The following EPHB1 variants were observed in gnomAD, a reference collection of about 807,000 sequenced individuals.
EPHB1 encodes the protein EPH receptor B1.
A neutral mutation model predicts 94.4 loss-of-function variants in EPHB1; 30 were observed. The ratio of observed to expected loss-of-function variants is 0.32; its 90% confidence interval spans 0.24 to 0.43. The LOEUF is 0.43. EPHB1 is among the 20% of genes least tolerant of loss of function. EPHB1 has a pLI of 1.00. For missense variants in EPHB1, 1,055 were observed against 1,308.3 expected (o/e 0.81, Z 2.99); for synonymous variants, 522 against 489.1 (o/e 1.07, Z -0.89).
In EPHB1 at chr3:134,924,676, A is replaced by G. The variant is rs115682806; in HGVS notation, c.59-1140A>G. Among the ~76,000 whole-genome samples, 96 of 152,364 alleles carry G rather than the reference A, an allele frequency of 6.3e-4. 1 individual carries two copies. Among genetic ancestry groups the G allele is most frequent in the African/African-American group, 2.2e-3 (93 of 41,586 alleles). ...ACTGGAAACAACAGGTGAATGAATA[A>G]ACAAATGGTGGCACATCACACAAAA... On this transcript the variant is annotated intron_variant, in intron 1 of 15. Coordinates refer to ENST00000398015, the MANE Select transcript of EPHB1 (RefSeq NM_004441.5).
intron 3 of EPHB1, among the ~76,000 whole-genome samples, chr3:135,069,776 C>A (rs2107781200): frequency 6.6e-6 from 1 of 152,128 alleles, no homozygotes; most frequent in East Asian, 1.9e-4. Flanking sequence ...ACATCAATAA[C>A]CTTGTGTTCA....
chr3:134,880,474 C>G (rs746173770), intron 1 of EPHB1, among the ~76,000 whole-genome samples: 3 of 152,208 alleles, frequency 2.0e-5, no homozygotes, highest in Non-Finnish European at 4.4e-5. Context: ...CCTCTTGTCA[C>G]TGGCCTGAAA....
At chr3:134,950,574 G>T (rs1932986855) in intron 2 of EPHB1, among the ~76,000 whole-genome samples, 1 of 152,178 alleles carries the variant, frequency 6.6e-6, no homozygotes, top group South Asian at 2.1e-4. Context: ...CTCATGGCAG[G>T]CCAGGGGAGC....
intron 3 of EPHB1, among the ~76,000 whole-genome samples, chr3:134,988,646 A>G (rs745501982): frequency 4.1e-4 from 63 of 152,214 alleles, no homozygotes; most frequent in Non-Finnish European, 7.6e-4. Context: ...GATACATGGT[A>G]CAAGTATTCA....
At chr3:135,024,951 T>C (rs975028617) in intron 3 of EPHB1, among the ~76,000 whole-genome samples, 6 of 152,002 alleles carry the variant, frequency 3.9e-5, no homozygotes, top group Non-Finnish European at 8.8e-5. Flanking sequence ...ATATGTATTA[T>C]ATATCCATGT....
intron 12 of EPHB1, among the ~76,000 whole-genome samples, chr3:135,227,919 G>A (rs971251880): frequency 6.6e-6 from 1 of 151,662 alleles, no homozygotes; most frequent in Admixed American, 6.6e-5. Context: ...CTGAACTCTT[G>A]GAAGATACGT....
intron 3 of EPHB1, among the ~76,000 whole-genome samples, chr3:135,021,998 TAGAC>T (rs1430015099): frequency 7.0e-6 from 1 of 142,760 alleles, no homozygotes; most frequent in African/African-American, 2.6e-5. Flanking sequence ...TTGTTTGTTT[TAGAC>T]AGAGTCTCGC....
intron 7 of EPHB1, among the ~76,000 whole-genome samples, chr3:135,165,751 C>T (rs191146457): frequency 1.3e-5 from 2 of 152,288 alleles, no homozygotes; most frequent in East Asian, 3.9e-4. Flanking sequence ...GATTCTGTCA[C>T]GGCTGTTTTG....
chr3:134,826,022 A>G (rs1234342091), intron 1 of EPHB1, among the ~76,000 whole-genome samples: 1 of 151,462 alleles, frequency 6.6e-6, no homozygotes, highest in Non-Finnish European at 1.5e-5. Context: ...CAGGTGGATC[A>G]CGAGGTCAGG....
At chr3:134,872,404 A>C (rs2037519285) in intron 1 of EPHB1, among the ~76,000 whole-genome samples, 1 of 152,134 alleles carries the variant, frequency 6.6e-6, no homozygotes, top group African/African-American at 2.4e-5. Flanking sequence ...TATAATTTGG[A>C]TCTAGTACAA....
intron 1 of EPHB1, among the ~76,000 whole-genome samples, chr3:134,860,176 C>G (rs547799687): frequency 6.9e-6 from 1 of 145,128 alleles, no homozygotes; most frequent in African/African-American, 2.5e-5. Flanking sequence ...CACACAGACA[C>G]ACACACACAC....
At chr3:134,853,149 G>A (rs1273336130) in intron 1 of EPHB1, among the ~76,000 whole-genome samples, 3 of 152,154 alleles carry the variant, frequency 2.0e-5, no homozygotes, top group African/African-American at 7.2e-5. Flanking sequence ...AGTGAGAGAA[G>A]TGGAAAGAAA....
At chr3:134,873,326 C>T (rs1044295598) in intron 1 of EPHB1, among the ~76,000 whole-genome samples, 1 of 152,176 alleles carries the variant, frequency 6.6e-6, no homozygotes, top group Non-Finnish European at 1.5e-5. Context: ...GTAATTTAGA[C>T]TGGGCTTAGA....
intron 4 of EPHB1, among the ~76,000 whole-genome samples, chr3:135,125,721 A>G (rs1940169206): frequency 6.6e-6 from 1 of 152,078 alleles, no homozygotes; most frequent in Non-Finnish European, 1.5e-5. Flanking sequence ...GACAGTTGAA[A>G]CTTTCCCTCT....
At chr3:135,248,622 A>T in intron 14 of EPHB1, 113 bp downstream of exon 14, 1 of 1,065,370 alleles carries the variant, frequency 9.4e-7, no homozygotes, top group Non-Finnish European at 1.3e-6. Flanking sequence ...ATCTAGTTGC[A>T]GTGTGGGCCT....
chr3:135,072,542 G>C (rs1937760204), intron 3 of EPHB1, among the ~76,000 whole-genome samples: 1 of 152,114 alleles, frequency 6.6e-6, no homozygotes, highest in Admixed American at 6.5e-5. Flanking sequence ...CCCAGTCTCT[G>C]AGCTGCAGCC....
chr3:135,184,036 A>G (rs1942263955), intron 10 of EPHB1, among the ~76,000 whole-genome samples: 1 of 152,180 alleles, frequency 6.6e-6, no homozygotes, highest in Non-Finnish European at 1.5e-5. Flanking sequence ...TAGATGTTAC[A>G]GAGAGGCTTT....
At chr3:135,115,293 T>C (rs1939644935) in intron 4 of EPHB1, among the ~76,000 whole-genome samples, 1 of 152,180 alleles carries the variant, frequency 6.6e-6, no homozygotes, top group African/African-American at 2.4e-5. Flanking sequence ...TAGGTTCTGG[T>C]CCAAGGCAGA....
intron 2 of EPHB1, among the ~76,000 whole-genome samples, chr3:134,942,524 G>A (rs1323622728): frequency 2.0e-5 from 3 of 152,216 alleles, no homozygotes; most frequent in Non-Finnish European, 2.9e-5. Context: ...GGTGGTTGAG[G>A]TGTCATTCTC....
Sources: gnomAD v4.1 joint callset for allele counts (sites outside exome capture counted in the v4.1 genomes callset) on GRCh38, gnomAD v4.1.1 for gene constraint, MANE v1.5 for transcripts, NCBI Gene and HGNC (gene_info 2026-07-23, HGNC 2026-07-21) for gene names.